The following RBFOX1 variants were observed in gnomAD, a reference collection of about 807,000 sequenced individuals.
The protein encoded by RBFOX1 is RNA binding fox-1 homolog 1, also known as RNA binding protein fox-1 homolog 1.
In RBFOX1, 8 loss-of-function variants were observed where a neutral mutation model predicts 57.7. The ratio of observed to expected loss-of-function variants is 0.14; its 90% confidence interval spans 0.08 to 0.25. The LOEUF is 0.25. RBFOX1 is among the 10% of genes least tolerant of loss of function. RBFOX1 has a pLI of 1.00. For missense variants in RBFOX1, 611 were observed against 548.5 expected, an observed-to-expected ratio of 1.11 and a Z score of -1.14; for synonymous variants, 326 against 222.4, an observed-to-expected ratio of 1.47 and a Z score of -4.15.
chr16:7,461,093 C>G (rs1245895198), intron 4 of RBFOX1, among the ~76,000 whole-genome samples: 1 of 152,114 alleles, frequency 6.6e-6, no homozygotes. Context: ...ATAACTGATA[C>G]AGCTGACAAC....
At chr16:5,294,088 G>C (rs1343528441) in intron 1 of RBFOX1, among the ~76,000 whole-genome samples, 1 of 152,108 alleles carries the variant, frequency 6.6e-6, no homozygotes, top group African/African-American at 2.4e-5. Flanking sequence ...AATTAGCTAG[G>C]CGTGGTGGTG....
intron 2 of RBFOX1, among the ~76,000 whole-genome samples, chr16:5,594,323 T>C (rs1352152): frequency 6.9e-4 from 105 of 152,182 alleles, no homozygotes; most frequent in African/African-American, 2.4e-3. Flanking sequence ...CAAGATTACA[T>C]GAATATGTCT....
chr16:7,078,843 C>T (rs1449985539), intron 4 of RBFOX1, among the ~76,000 whole-genome samples: 1 of 138,648 alleles, frequency 7.2e-6, no homozygotes, highest in Non-Finnish European at 1.5e-5. Context: ...CCACCACGCC[C>T]AGCTAATTTA....
chr16:5,929,099 G>A (rs1217260897), intron 4 of RBFOX1, among the ~76,000 whole-genome samples: 1 of 152,010 alleles, frequency 6.6e-6, no homozygotes, highest in Admixed American at 6.6e-5. Context: ...ACTGGCTTGG[G>A]TGATTGAAAA....
intron 3 of RBFOX1, among the ~76,000 whole-genome samples, chr16:5,769,583 G>A (rs2053907582): frequency 6.6e-6 from 1 of 152,100 alleles, no homozygotes; most frequent in South Asian, 2.1e-4. Flanking sequence ...AAGTCAGAAG[G>A]AGGAGGTTGC....
intron 3 of RBFOX1, among the ~76,000 whole-genome samples, chr16:6,891,996 C>T (rs76120969): frequency 0.019 from 2,862 of 152,236 alleles, 105 homozygotes; most frequent in African/African-American, 0.065. Flanking sequence ...TACTGATGCA[C>T]TGCAAAAAAG....
chr16:6,289,703 T>A (rs1159424581), intron 1 of RBFOX1, among the ~76,000 whole-genome samples: 1 of 152,052 alleles, frequency 6.6e-6, no homozygotes. Flanking sequence ...AATTATAAAA[T>A]GAAAAGGTAA....
intron 3 of RBFOX1, among the ~76,000 whole-genome samples, chr16:5,821,840 A>T (rs1230875114): frequency 6.6e-6 from 1 of 152,138 alleles, no homozygotes; most frequent in Non-Finnish European, 1.5e-5. Flanking sequence ...TGGTGAAAGG[A>T]GAAGGGCAAA....
intron 2 of RBFOX1, among the ~76,000 whole-genome samples, chr16:6,647,666 A>G (rs1288362911): frequency 6.6e-6 from 1 of 152,156 alleles, no homozygotes; most frequent in Non-Finnish European, 1.5e-5. Flanking sequence ...GGGGACACAT[A>G]CATTCAGTCC....
chr16:6,003,283 A>G (rs553578817), intron 4 of RBFOX1, among the ~76,000 whole-genome samples: 1,594 of 125,646 alleles, frequency 0.013, 17 homozygotes, highest in East Asian at 0.027. Flanking sequence ...TCTGTCTCCA[A>G]AAAAAAAAAA....
At chr16:6,147,597 G>A (rs752063277) in intron 1 of RBFOX1, among the ~76,000 whole-genome samples, 1 of 152,020 alleles carries the variant, frequency 6.6e-6, no homozygotes, top group African/African-American at 2.4e-5. Flanking sequence ...ATGGGGGCAA[G>A]AAAGATGAAA....
Position 6,638,703 on chromosome 16 carries a change from C to T in RBFOX1, c.-63-15900C>T, listed in dbSNP as rs570096848. ...ATTTAATGTTGTCTTATTACGAGCA[C>T]TCATTCCGGAGTACAAAAAATTGAG... On this transcript the variant is annotated intron_variant, in intron 2 of 15. Coordinates refer to ENST00000550418, the MANE Select transcript of RBFOX1 (RefSeq NM_018723.4). Among the ~76,000 whole-genome samples, 46 of 152,248 alleles carry T rather than the reference C, an allele frequency of 3.0e-4. 1 individual carries two copies. In the South Asian group the frequency reaches 9.3e-3, roughly 31 times the overall value.
At chr16:6,838,097 G>T (rs557740669) in intron 3 of RBFOX1, among the ~76,000 whole-genome samples, 24 of 151,846 alleles carry the variant, frequency 1.6e-4, no homozygotes, top group African/African-American at 5.8e-4. Context: ...TGTTGTGGTG[G>T]TTTGCTGCAC....
chr16:7,364,732 C>T (rs1048382812), intron 4 of RBFOX1, among the ~76,000 whole-genome samples: 3 of 152,136 alleles, frequency 2.0e-5, no homozygotes, highest in African/African-American at 7.2e-5. Context: ...TTTGAAGTCC[C>T]AGGGCAGGGA....
At chr16:7,161,471 C>G (rs982359764) in intron 4 of RBFOX1, among the ~76,000 whole-genome samples, 1 of 152,136 alleles carries the variant, frequency 6.6e-6, no homozygotes, top group Non-Finnish European at 1.5e-5. Flanking sequence ...TCATTATTGC[C>G]TGTAATTCTT....
At chr16:5,969,298 C>CTT (rs71142659) in intron 4 of RBFOX1, among the ~76,000 whole-genome samples, 16 of 83,748 alleles carry the variant, frequency 1.9e-4, no homozygotes, top group South Asian at 1.0e-3. Flanking sequence ...TTCGGTTGTT[C>CTT]TTTTTTTTTT....
At chr16:6,593,955 C>T (rs936352168) in intron 2 of RBFOX1, among the ~76,000 whole-genome samples, 3 of 152,146 alleles carry the variant, frequency 2.0e-5, no homozygotes, top group African/African-American at 7.2e-5. Context: ...TTCAATTTGG[C>T]GTTTAGGATT....
chr16:6,590,852 A>T (rs2097700419), intron 2 of RBFOX1, among the ~76,000 whole-genome samples: 1 of 152,148 alleles, frequency 6.6e-6, no homozygotes, highest in African/African-American at 2.4e-5. Flanking sequence ...TTGACATGCA[A>T]GAATTGTACA....
At position 5,725,643 on chromosome 16, in the gene RBFOX1, C is replaced by G. The variant is rs147294588; in HGVS notation, c.318+126682C>G. Among the ~76,000 whole-genome samples, 120 of 151,560 alleles carry G rather than the reference C, an allele frequency of 7.9e-4. No individual in the cohort carries two copies. The East Asian group carries it at 0.011, about 14-fold the overall frequency. On this transcript the variant is annotated intron_variant, in intron 3 of 19. Transcript: ENST00000641259. Reference sequence around the variant, plus strand: ...AGTCTGCAAGAGTGCTCATAAGATCCTCATTTTCCATATAAGGAGAATCAG... The same window carrying G: ...AGTCTGCAAGAGTGCTCATAAGATCGTCATTTTCCATATAAGGAGAATCAG...
Sources: allele counts gnomAD v4.1 joint callset (sites outside exome capture counted in the v4.1 genomes callset), GRCh38; gene constraint gnomAD v4.1.1; transcripts MANE v1.5; gene names NCBI Gene and HGNC (gene_info 2026-07-23, HGNC 2026-07-21).